Variants in FN1 observed in about 807,000 individuals in gnomAD.
FN1 encodes the protein fibronectin.
A neutral mutation model predicts 297.3 loss-of-function variants in FN1; 106 were observed. That is an observed-to-expected ratio of 0.36 (90% confidence interval 0.30 to 0.42). The LOEUF is 0.42. Ranked by LOEUF, FN1 falls within the 10% of genes least tolerant of loss-of-function variation. The pLI is 1.00. For synonymous variants in FN1, 1,149 were observed against 1,152.6 expected, an observed-to-expected ratio of 1.00 and a Z score of 0.06; for missense variants, 2,690 against 3,124.9, an observed-to-expected ratio of 0.86 and a Z score of 3.32.
At chr2:215,362,114 T>G in intron 44 of FN1, 35 bp from the exon 45 acceptor site, 3 of 1,478,198 alleles carry the variant, frequency 2.0e-6, no homozygotes, top group South Asian at 1.1e-5. Context: ...AAATGGGGTT[T>G]ATGATAACCT....
chr2:215,412,498 G>A (rs181407287), intron 13 of FN1, among the ~76,000 whole-genome samples: 1 of 152,166 alleles, frequency 6.6e-6, no homozygotes, highest in African/African-American at 2.4e-5. Flanking sequence ...GTGCAGTAGT[G>A]CCATCTTGGC....
chr2:215,386,770 G>A lies in FN1; in HGVS notation c.4531C>T (p.Pro1511Ser), dbSNP rs2059073044. 1.9e-6 allele frequency: 3 copies of A among 1,613,802 alleles called. No individual in the cohort carries two copies. Among genetic ancestry groups the A allele is most frequent in the African/African-American group, 2.7e-5 (2 of 74,826 alleles). ...ATGCTGACCACATACTCTGTGCCTG[G>A]AGTGAGGTTGGTGAGGGTGATGGAA... ...RNSITLTNLTPGTEYVVSIVA... is the reference protein window; with the variant it reads ...RNSITLTNLTSGTEYVVSIVA... The change falls in exon 28 of 46, where the codon CCA (proline) becomes TCA (serine). Residue 1511 changes from proline to serine, a missense_variant. This residue lies in a region of FN1 where 1,743 missense variants were observed against 1,945.2 expected (regional missense o/e 0.90). Transcript: ENST00000354785.
At position 215,370,373 on chromosome 2, in the gene FN1, G is replaced by C. The variant is rs758116256; in HGVS notation, c.6774C>G (p.Thr2258=). ...TCAGTGCCTCCACTATGACGTTGTA[G>C]GTGGCACCTCTGGTGAGGCCTGTCA... ...ATLTGLTRGA[T]YNVIVEALKD... is the part of the protein sequence containing the mutation. Residue 2258 remains threonine, a synonymous_variant, in exon 41 of 46, where the codon ACC becomes ACG. Coordinates refer to ENST00000354785, the MANE Select transcript of FN1 (RefSeq NM_212482.4). 6.2e-7 allele frequency: 1 copy of C among 1,613,814 alleles called. No individual in the cohort carries two copies. The highest frequency in any genetic ancestry group is 1.1e-5 in the South Asian group (1 of 91,068).
Position 215,428,276 on chromosome 2 carries a change from C to T in FN1, c.748G>A (p.Asp250Asn). Residue 250 changes from aspartate to asparagine, a missense_variant, in exon 6 of 46, where the codon GAT (aspartate) becomes AAT (asparagine). Physicochemically the swap from Asp to Asn is conservative, Grantham distance 23 (BLOSUM62 1). Around this residue, in one of 3 missense-constraint regions of FN1, gnomAD observed 876 missense variants for 1,058.1 expected, o/e 0.83. Coordinates refer to ENST00000354785, the MANE Select transcript of FN1 (RefSeq NM_212482.4). The stretch of plus-strand genomic sequence containing the variant: ...CACTGGAGCAGGTTTCCTCGATTAT[C>T]CTTCTTGCTCCAGGTGTCTCCAATT... ...YRIGDTWSKKDNRGNLLQCIC... is the reference protein window; with the variant it reads ...YRIGDTWSKKNNRGNLLQCIC... The T allele has an allele frequency of 6.2e-7, 1 of 1,614,146 alleles. No homozygotes were observed. The highest frequency in any genetic ancestry group is 8.5e-7 in the Non-Finnish European group (1 of 1,179,960).
intron 43 of FN1, 128 bp downstream of exon 43, chr2:215,365,377 A>T: frequency 9.9e-7 from 1 of 1,015,172 alleles, no homozygotes; most frequent in Non-Finnish European, 1.5e-6. Flanking sequence ...TCAAAAGATT[A>T]AGAAACCCAC....
At chr2:215,428,489 G>T in intron 5 of FN1, 151 bp from the exon 6 acceptor site, 1 of 731,942 alleles carries the variant, frequency 1.4e-6, no homozygotes, top group Non-Finnish European at 2.4e-6. Context: ...TTACACTTCT[G>T]AAAGATGAAA....
At chr2:215,384,488 T>C (rs553644700) in intron 29 of FN1, 8 of 427,332 alleles carry the variant, frequency 1.9e-5, no homozygotes, top group East Asian at 4.4e-5. Flanking sequence ...ATTGCATGCA[T>C]TGTGTCCTTT....
intron 2 of FN1, 46 bp downstream of exon 2, chr2:215,434,650 C>G: frequency 6.2e-7 from 1 of 1,610,528 alleles, no homozygotes; most frequent in Non-Finnish European, 8.5e-7. Context: ...ACAATTACCA[C>G]TTCATGTATT....
At position 215,404,552 on chromosome 2, in the gene FN1, G is replaced by A. The variant is rs367816616; in HGVS notation, c.3090C>T (p.Thr1030=). ...GCTGTCCTCTTCGGGTAAGGCCCAC[G>A]GTCAGTCGGTATCCTGTTATCTGGG... is the stretch of plus-strand genomic sequence containing the variant. ...PRAQITGYRL[T]VGLTRRGQPR... The change falls in exon 20 of 46, where the codon ACC becomes ACT. Residue 1030 remains threonine, a synonymous_variant. Transcript: ENST00000354785. The A allele has an allele frequency of 8.6e-5, 139 of 1,614,102 alleles. No individual in the cohort carries two copies. Among genetic ancestry groups the A allele is most frequent in the African/African-American group, 2.8e-4 (21 of 75,004 alleles).
At chr2:215,412,408 G>A (rs57588045) in intron 13 of FN1, among the ~76,000 whole-genome samples, 1 of 151,740 alleles carries the variant, frequency 6.6e-6, no homozygotes, top group Non-Finnish European at 1.5e-5. Flanking sequence ...TATTTACAGA[G>A]TCTTTAATAT....
Position 215,404,539 on chromosome 2 carries a change from G to A in FN1, c.3103C>T (p.Arg1035Ter), listed in dbSNP as rs767203245. The change falls in exon 20 of 46, where the codon CGA becomes TGA. Residue 1035 changes from arginine (R) to a stop codon, truncating the protein, a stop_gained. Coordinates refer to ENST00000354785, the MANE Select transcript of FN1 (RefSeq NM_212482.4). LOFTEE classifies it high-confidence loss of function. Reference sequence around the variant, plus strand: ...TTGTACTGCCTGGGCTGTCCTCTTCGGGTAAGGCCCACGGTCAGTCGGTAT... The same window carrying A: ...TTGTACTGCCTGGGCTGTCCTCTTCAGGTAAGGCCCACGGTCAGTCGGTAT... Reference protein sequence around the residue: ...TGYRLTVGLTRRGQPRQYNVG... With the variant: ...TGYRLTVGLT The A allele has an allele frequency of 1.9e-6, 3 of 1,613,936 alleles. No homozygotes were observed. Among genetic ancestry groups the A allele is most frequent in the African/African-American group, 1.3e-5 (1 of 74,866 alleles).
intron 36 of FN1, 102 bp from the exon 37 acceptor site, chr2:215,375,820 T>G: frequency 1.3e-6 from 1 of 750,264 alleles, no homozygotes; most frequent in Non-Finnish European, 2.4e-6. Context: ...CATCCCATAT[T>G]TATATAGACT....
chr2:215,424,044 T>C (rs2064914068), intron 8 of FN1, 102 bp downstream of exon 8: 1 of 1,190,776 alleles, frequency 8.4e-7, no homozygotes, highest in Non-Finnish European at 1.3e-6. Flanking sequence ...AAGCGATGCT[T>C]CTTGGGCGGG....
intron 31 of FN1, 86 bp downstream of exon 31, chr2:215,383,242 A>G: frequency 7.4e-7 from 1 of 1,354,160 alleles, no homozygotes; most frequent in South Asian, 1.2e-5. Flanking sequence ...TCCTAACCTC[A>G]AGTGATCTGC....
chr2:215,408,729 G>A lies in FN1; in HGVS notation c.2300-303C>T, dbSNP rs940740. Among the ~76,000 whole-genome samples the A allele has an allele frequency of 0.29, 44,710 of 151,792 alleles. 7,053 individuals carry two copies. The highest frequency in any genetic ancestry group is 0.35 in the African/African-American group (14,606 of 41,366). ...ATTACAGGTGCACACCACCACACCC[G>A]GCTATTTTTTTTGCATTTTTATTAG... On this transcript the variant is annotated intron_variant, in intron 15 of 45. Coordinates refer to ENST00000354785, the MANE Select transcript of FN1 (RefSeq NM_212482.4).
rs1300343222 is a variant in FN1 at position 215,422,182 on chromosome 2, A to G, written c.1455T>C (p.Asp485=). 3.1e-6 allele frequency: 5 copies of G among 1,614,158 alleles called. No homozygotes were observed. Among genetic ancestry groups the G allele is most frequent in the Middle Eastern group, 1.6e-4 (1 of 6,062 alleles). Reference sequence around the variant, plus strand: ...TCATGTGACCCATGTCATGCTGCTTATCCCACTGATCTCCAATGCGGTACA... The same window carrying G: ...TCATGTGACCCATGTCATGCTGCTTGTCCCACTGATCTCCAATGCGGTACA... ...GVMYRIGDQW[D]KQHDMGHMMR... is the part of the protein sequence containing the mutation. The change falls in exon 10 of 46, where the codon GAT becomes GAC. Residue 485 remains aspartate, a synonymous_variant. Coordinates refer to ENST00000354785, the MANE Select transcript of FN1 (RefSeq NM_212482.4).
In FN1 at chr2:215,435,959, A is replaced by G. The variant is rs966781280; in HGVS notation, c.-157T>C. On this transcript the variant is annotated 5_prime_UTR_variant, in exon 1 of 46. Transcript: ENST00000354785. ...AGAGGGTGGGGAAGGGGACGGGTGG[A>G]GGGACAGAAGGGATGCAGAGGACCA... The G allele has an allele frequency of 9.2e-6, 13 of 1,408,424 alleles. No individual in the cohort carries two copies. The African/African-American group carries it at 1.7e-4, about 19-fold the overall frequency. The allele number at this position is 1,408,424 out of a possible 1,614,324, so 87.2% of individuals were successfully genotyped here. A position where few individuals can be genotyped will look rare whatever the true frequency, so the allele number is the denominator to read the frequency against.
chr2:215,398,257 A>G (rs1294168275), intron 21 of FN1, among the ~76,000 whole-genome samples: 3 of 152,238 alleles, frequency 2.0e-5, no homozygotes, highest in African/African-American at 4.8e-5. Context: ...TTTAGTTGCC[A>G]TTTAAAGGCA....
At chr2:215,377,559 A>G (rs554308516) in intron 35 of FN1, among the ~76,000 whole-genome samples, 4 of 152,194 alleles carry the variant, frequency 2.6e-5, no homozygotes, top group Middle Eastern at 3.4e-3. Context: ...AAGCTTCCCA[A>G]GGCCTCCCTA....
Sources: allele counts gnomAD v4.1 joint callset (sites outside exome capture counted in the v4.1 genomes callset), GRCh38; gene constraint gnomAD v4.1.1; regional missense constraint gnomAD v4.1.1; transcripts MANE v1.5; gene names NCBI Gene and HGNC (gene_info 2026-07-23, HGNC 2026-07-21).